The following MAN1A2 variants were observed in gnomAD, a reference collection of about 807,000 sequenced individuals.
The protein encoded by MAN1A2 is mannosyl-oligosaccharide 1,2-alpha-mannosidase IB.
In MAN1A2, 26 loss-of-function variants were observed where a neutral mutation model predicts 75.7. That is an observed-to-expected ratio of 0.34 (90% CI 0.25 to 0.48). MAN1A2 has a LOEUF of 0.48. MAN1A2 is among the 20% of genes least tolerant of loss of function. MAN1A2 has a pLI of 0.99. For missense variants in MAN1A2, 562 were observed against 775.5 expected (o/e 0.72, Z 3.27); for synonymous variants, 247 against 264.6 (o/e 0.93, Z 0.65).
intron 5 of MAN1A2, among the ~76,000 whole-genome samples, chr1:117,437,449 T>G (rs79885043): frequency 0.016 from 2,418 of 152,204 alleles, 71 homozygotes; most frequent in African/African-American, 0.055. Context: ...AGGTACAAGA[T>G]AAAAGACAAA....
intron 8 of MAN1A2, among the ~76,000 whole-genome samples, chr1:117,490,692 A>C (rs946357587): frequency 6.6e-6 from 1 of 152,154 alleles, no homozygotes; most frequent in African/African-American, 2.4e-5. Flanking sequence ...TGAGGAAGGC[A>C]TGTCAAAAGC....
chr1:117,381,732 C>G (rs1387368361), intron 1 of MAN1A2, among the ~76,000 whole-genome samples: 1 of 151,886 alleles, frequency 6.6e-6, no homozygotes, highest in Non-Finnish European at 1.5e-5. Context: ...AATGGTATTT[C>G]TAGTTCTAGA....
At chr1:117,389,463 T>C (rs1370534660) in intron 1 of MAN1A2, among the ~76,000 whole-genome samples, 2 of 152,164 alleles carry the variant, frequency 1.3e-5, no homozygotes. Flanking sequence ...CTGACAGTTA[T>C]GTGGAATGCA....
At chr1:117,428,091 A>ATC (rs35953056) in intron 5 of MAN1A2, among the ~76,000 whole-genome samples, 16,474 of 146,750 alleles carry the variant, frequency 0.11, 990 homozygotes, top group Non-Finnish European at 0.14. Context: ...TAAACTGTAA[A>ATC]TCTCTCTCTC....
Position 117,524,004 on chromosome 1 carries a change from C to T in MAN1A2, c.*1047C>T, listed in dbSNP as rs1651939729. ...ACTTTTATAACTTACTAAAGCAGAACAAACAGTGAAACTTTCTAAAATATT... is the reference window on the plus strand; with the variant it reads ...ACTTTTATAACTTACTAAAGCAGAATAAACAGTGAAACTTTCTAAAATATT... On this transcript the variant is annotated 3_prime_UTR_variant, in exon 13 of 13. Transcript: ENST00000356554. 1 of 152,144 alleles carries T rather than the reference C, an allele frequency of 6.6e-6. No individual in the cohort carries two copies. Among genetic ancestry groups the T allele is most frequent in the South Asian group, 2.1e-4 (1 of 4,826 alleles). The allele number at this position is 152,144 out of a possible 1,614,324, so 9.4% of individuals were successfully genotyped here.
At chr1:117,455,828 A>G (rs1314810646) in intron 6 of MAN1A2, among the ~76,000 whole-genome samples, 1 of 151,934 alleles carries the variant, frequency 6.6e-6, no homozygotes, top group East Asian at 1.9e-4. Flanking sequence ...AGTGCCATTT[A>G]AATTTTAAAT....
chr1:117,383,774 G>A (rs938166271), intron 1 of MAN1A2, among the ~76,000 whole-genome samples: 6 of 151,442 alleles, frequency 4.0e-5, no homozygotes, highest in Admixed American at 3.3e-4. Flanking sequence ...AAGCGTTGGG[G>A]GTCTGTGTTG....
At chr1:117,433,137 C>G (rs557415356) in intron 5 of MAN1A2, among the ~76,000 whole-genome samples, 7 of 151,986 alleles carry the variant, frequency 4.6e-5, no homozygotes, top group Admixed American at 4.6e-4. Flanking sequence ...TGATTAAAAT[C>G]ACTCAGTAAA....
intron 8 of MAN1A2, among the ~76,000 whole-genome samples, chr1:117,484,670 A>G (rs1650616521): frequency 6.6e-6 from 1 of 152,032 alleles, no homozygotes; most frequent in African/African-American, 2.4e-5. Context: ...ATGTACTGCA[A>G]TAAATCTTAC....
In MAN1A2 at chr1:117,451,160, C is replaced by T. The variant is rs568339824; in HGVS notation, c.950+8835C>T. On this transcript the variant is annotated intron_variant, in intron 6 of 12. Coordinates refer to ENST00000356554, the MANE Select transcript of MAN1A2 (RefSeq NM_006699.5). The stretch of plus-strand genomic sequence containing the variant: ...CAAGGCTGTGGGAGTCCTCCTCTTG[C>T]ATCAGTGTGACCTGGATGTGAGACA... Among the ~76,000 whole-genome samples the T allele has an allele frequency of 1.9e-4, 29 of 152,350 alleles. No homozygotes were observed. The East Asian group carries it at 5.4e-3, about 28-fold the overall frequency.
At chr1:117,416,704 C>T (rs1648004209) in intron 4 of MAN1A2, among the ~76,000 whole-genome samples, 1 of 152,122 alleles carries the variant, frequency 6.6e-6, no homozygotes, top group South Asian at 2.1e-4. Flanking sequence ...GAAACAGCTG[C>T]CACCTGTGGG....
chr1:117,460,674 G>T lies in MAN1A2; in HGVS notation c.1074+62G>T. On this transcript the variant is annotated intron_variant, in intron 7 of 12. Coordinates refer to ENST00000356554, the MANE Select transcript of MAN1A2 (RefSeq NM_006699.5). The stretch of plus-strand genomic sequence containing the variant: ...AAGAGTCCTTTAAGATTGGCCCAAA[G>T]ATTTGATTAATGCTTAAAAGGTTTG... 3 of 1,497,694 alleles carry T rather than the reference G, an allele frequency of 2.0e-6. No homozygotes were observed. In the South Asian group the frequency reaches 4.4e-5, roughly 22 times the overall value. The allele number at this position is 1,497,694 out of a possible 1,614,324, so 92.8% of individuals were successfully genotyped here.
chr1:117,500,602 C>T (rs910118931), intron 11 of MAN1A2, among the ~76,000 whole-genome samples: 1 of 151,828 alleles, frequency 6.6e-6, no homozygotes, highest in African/African-American at 2.4e-5. Context: ...ACTTATTTTT[C>T]ACCTGTCATT....
At chr1:117,509,943 A>G (rs1651479580) in intron 12 of MAN1A2, among the ~76,000 whole-genome samples, 1 of 151,662 alleles carries the variant, frequency 6.6e-6, no homozygotes, top group Admixed American at 6.6e-5. Context: ...ATAAAAATAT[A>G]TATAATATAT....
rs1279532205 is a variant in MAN1A2 at position 117,512,390 on chromosome 1, T to C, written c.1793+9420T>C. The stretch of plus-strand genomic sequence containing the variant: ...ATCACCTGGAAGGCCTCTTAAAACA[T>C]GGGATGCTGGGCTCTGTTGAGTTTC... On this transcript the variant is annotated intron_variant, in intron 12 of 12. Transcript: ENST00000356554. Among the ~76,000 whole-genome samples the C allele has an allele frequency of 2.6e-5, 4 of 152,024 alleles. No individual in the cohort carries two copies. In the East Asian group the frequency reaches 7.7e-4, roughly 29 times the overall value.
At position 117,427,503 on chromosome 1, in the gene MAN1A2, A is replaced by G. The variant is rs369480561; in HGVS notation, c.855+6854A>G. ...GAATGGAGCTTCAGAAACTTATAGG[A>G]CAGTATTCCAACATACATATAATTG... On this transcript the variant is annotated intron_variant, in intron 5 of 12. Transcript: ENST00000356554. 1.4e-3 allele frequency among the ~76,000 whole-genome samples: 217 copies of G among 152,310 alleles called. 1 individual carries two copies. Among genetic ancestry groups the G allele is most frequent in the African/African-American group, 5.0e-3 (209 of 41,576 alleles).
rs1240187426 is a variant in MAN1A2, at chr1:117,447,727, T to C, written c.950+5402T>C. ...AGATAGCCTTTTTATGTCCTTTGTT[T>C]GTTTTTTATTGGCTATTTTTTAAAA... On this transcript the variant is annotated intron_variant, in intron 6 of 12. Transcript: ENST00000356554. Among the ~76,000 whole-genome samples, 3 of 152,202 alleles carry C rather than the reference T, an allele frequency of 2.0e-5. No individual in the cohort carries two copies. The East Asian group carries it at 5.8e-4, about 29-fold the overall frequency.
chr1:117,389,572 C>T (rs1653652382), intron 1 of MAN1A2, among the ~76,000 whole-genome samples: 1 of 152,122 alleles, frequency 6.6e-6, no homozygotes, highest in South Asian at 2.1e-4. Flanking sequence ...GGTTGGGGAT[C>T]ACTGCATTAC....
chr1:117,509,470 A>G (rs1026130082), intron 12 of MAN1A2, among the ~76,000 whole-genome samples: 1 of 151,942 alleles, frequency 6.6e-6, no homozygotes, highest in Admixed American at 6.6e-5. Context: ...TTAAGGAAGC[A>G]AGGTCCACCT....
Sources: gnomAD v4.1 joint callset for allele counts (sites outside exome capture counted in the v4.1 genomes callset) on GRCh38, gnomAD v4.1.1 for gene constraint, MANE v1.5 for transcripts, NCBI Gene and HGNC (gene_info 2026-07-23, HGNC 2026-07-21) for gene names.